RALGAPB: variants seen among roughly 807,000 people sequenced by gnomAD.
RALGAPB encodes the protein ral GTPase-activating protein subunit beta.
A neutral mutation model predicts 161.1 loss-of-function variants in RALGAPB; 25 were observed. The observed-to-expected ratio is 0.16, with a 90% CI of 0.11 to 0.22. The LOEUF (loss-of-function observed/expected upper bound fraction) is 0.22. Among genes scored for constraint, RALGAPB ranks in the 10% least tolerant of loss-of-function variants. The probability of loss-of-function intolerance (pLI) is 1.00; values close to 1 mark genes in which losing one functional copy is unlikely to be tolerated. For missense variants in RALGAPB, 1,391 were observed against 1,815.2 expected (o/e 0.77, Z 4.25); for synonymous variants, 629 against 626.1 (o/e 1.00, Z -0.07).
In RALGAPB at chr20:38,558,196, T is replaced by A. The variant is rs12106044; in HGVS notation, c.3373-99T>A. ...TTTATTCCTACCATTCTATATTTTT[T>A]AATTTTATTTTTATTAAACCATGAG... On this transcript the variant is annotated intron_variant, in intron 22 of 29. Coordinates refer to ENST00000262879, the MANE Select transcript of RALGAPB (RefSeq NM_020336.4). 4.4e-4 allele frequency: 466 copies of A among 1,065,714 alleles called. No homozygotes were observed. The African/African-American group carries it at 6.6e-3, about 15-fold the overall frequency. 66.0% of individuals were successfully genotyped at this position (1,065,714 alleles called of 1,614,324 possible).
chr20:38,559,469 T>C (rs2087711898), intron 23 of RALGAPB, among the ~76,000 whole-genome samples: 1 of 152,136 alleles, frequency 6.6e-6, no homozygotes, highest in Non-Finnish European at 1.5e-5. Context: ...CCGAGGCGGA[T>C]GGATCACCCA....
chr20:38,520,199 T>G (rs1400845677), intron 9 of RALGAPB: 3 of 649,044 alleles, frequency 4.6e-6, no homozygotes. Flanking sequence ...TAATTACTAC[T>G]GTCCTTTGAT....
chr20:38,508,184 A>G (rs959102833), intron 5 of RALGAPB, among the ~76,000 whole-genome samples: 5 of 151,854 alleles, frequency 3.3e-5, no homozygotes, highest in African/African-American at 1.2e-4. Flanking sequence ...GTATATGTCA[A>G]ACATATTACA....
chr20:38,574,111 A>G (rs760558372), intron 28 of RALGAPB, 39 bp from the exon 29 acceptor site: 15 of 1,571,118 alleles, frequency 9.5e-6, no homozygotes, highest in Middle Eastern at 1.7e-4. Flanking sequence ...GGGGACTTCA[A>G]CTCTTGGGTG....
chr20:38,498,390 G>A (rs1296331435), intron 4 of RALGAPB, among the ~76,000 whole-genome samples: 2 of 152,180 alleles, frequency 1.3e-5, no homozygotes, highest in Non-Finnish European at 2.9e-5. Context: ...TTATTCATTG[G>A]TGTACTCTGT....
At chr20:38,509,965 G>A (rs1175961104) in intron 6 of RALGAPB, among the ~76,000 whole-genome samples, 1 of 152,008 alleles carries the variant, frequency 6.6e-6, no homozygotes, top group Non-Finnish European at 1.5e-5. Context: ...AGCTGTCAGT[G>A]ATCTTAGTTT....
intron 24 of RALGAPB, among the ~76,000 whole-genome samples, chr20:38,564,567 T>C (rs1230764414): frequency 6.6e-6 from 1 of 152,224 alleles, no homozygotes; most frequent in Non-Finnish European, 1.5e-5. Context: ...TTGGTCCGAT[T>C]GTTGGTCTTT....
Position 38,576,794 on chromosome 20 carries a change from T to G in RALGAPB, c.*1827T>G, listed in dbSNP as rs1322577268. 2.0e-5 allele frequency: 3 copies of G among 152,630 alleles called. No individual in the cohort carries two copies. The highest frequency in any genetic ancestry group is 4.4e-5 in the Non-Finnish European group (3 of 68,038). 9.5% of individuals were successfully genotyped at this position (152,630 alleles called of 1,614,324 possible). ...GGGGAAAATGGGCTCTTGTTCTAGT[T>G]GAAGTGAGCAGAGAAGGCTATAAAT... On this transcript the variant is annotated 3_prime_UTR_variant, in exon 30 of 30. Coordinates refer to ENST00000262879, the MANE Select transcript of RALGAPB (RefSeq NM_020336.4).
chr20:38,533,242 G>GGAT (rs1268420870), intron 15 of RALGAPB, among the ~76,000 whole-genome samples: 1 of 152,092 alleles, frequency 6.6e-6, no homozygotes, highest in East Asian at 1.9e-4. Context: ...GGGTAATGGG[G>GGAT]GATGGATTAG....
chr20:38,491,638 G>T (rs146599720), intron 2 of RALGAPB, among the ~76,000 whole-genome samples: 320 of 152,312 alleles, frequency 2.1e-3, no homozygotes, highest in African/African-American at 7.4e-3. Flanking sequence ...CAAGTTTTCA[G>T]CTCCACCTTT....
At chr20:38,538,252 T>C (rs2086866733) in intron 16 of RALGAPB, 2 of 168,468 alleles carry the variant, frequency 1.2e-5, no homozygotes, top group South Asian at 1.7e-4. Context: ...AACTACTGCA[T>C]TGATACTGCC....
intron 23 of RALGAPB, among the ~76,000 whole-genome samples, chr20:38,560,769 A>T (rs1046080506): frequency 6.6e-6 from 1 of 152,146 alleles, no homozygotes; most frequent in East Asian, 1.9e-4. Flanking sequence ...ATTTCCTGAG[A>T]TCTCCTTTGG....
At chr20:38,545,128 G>A (rs2087120496) in intron 18 of RALGAPB, among the ~76,000 whole-genome samples, 1 of 152,068 alleles carries the variant, frequency 6.6e-6, no homozygotes. Context: ...AGCATATCCT[G>A]TGTGTTCTAA....
chr20:38,530,974 C>T (rs891081340), intron 13 of RALGAPB, among the ~76,000 whole-genome samples, 193 bp from the exon 14 acceptor site: 1 of 149,820 alleles, frequency 6.7e-6, no homozygotes, highest in African/African-American at 2.5e-5. Context: ...AACTTTCTAA[C>T]ATGTTTATTG....
At chr20:38,544,362 A>T (rs1282672491) in intron 18 of RALGAPB, among the ~76,000 whole-genome samples, 49 of 147,542 alleles carry the variant, frequency 3.3e-4, no homozygotes, top group Middle Eastern at 3.2e-3. Context: ...TTTTTTTTTT[A>T]AATATTACAA....
Position 38,499,364 on chromosome 20 carries a change from G to T in RALGAPB, c.554-83G>T. 5.0e-6 allele frequency: 6 copies of T among 1,203,516 alleles called. No individual in the cohort carries two copies. The South Asian group carries it at 5.3e-5, about 11-fold the overall frequency. The allele number at this position is 1,203,516 out of a possible 1,614,324, so 74.6% of individuals were successfully genotyped here. On this transcript the variant is annotated intron_variant, in intron 4 of 29. Transcript: ENST00000262879. ...AATATTGCACTTATTTTAATTTTTTGACCAGTTCTCCCAAATCAGTGTCTT... is the reference window on the plus strand; with the variant it reads ...AATATTGCACTTATTTTAATTTTTTTACCAGTTCTCCCAAATCAGTGTCTT...
chr20:38,516,497 G>A lies in RALGAPB; in HGVS notation c.1051+127G>A, dbSNP rs377430592. On this transcript the variant is annotated intron_variant, in intron 7 of 29. Transcript: ENST00000262879. ...ACAGATTTGATGACAAATAACAAGC[G>A]AGGAAAAATTATTTGCAACAAATAA... 1.5e-4 allele frequency: 141 copies of A among 948,418 alleles called. No homozygotes were observed. In the East Asian group the frequency reaches 1.6e-3, roughly 11 times the overall value. The allele number at this position is 948,418 out of a possible 1,614,324, so 58.8% of individuals were successfully genotyped here.
rs1370804594 is a variant in RALGAPB, at chr20:38,562,708, C to T, written c.3697+11C>T. On this transcript the variant is annotated intron_variant, in intron 24 of 29. Coordinates refer to ENST00000262879, the MANE Select transcript of RALGAPB (RefSeq NM_020336.4). Reference sequence around the variant, plus strand: ...AAGGATCTCAACAAGGTAAAACTCACAGTGTTTCAAATGTCAGTTGTTTCT... The same window carrying T: ...AAGGATCTCAACAAGGTAAAACTCATAGTGTTTCAAATGTCAGTTGTTTCT... The T allele has an allele frequency of 1.3e-6, 2 of 1,579,660 alleles. No individual in the cohort carries two copies. The highest frequency in any genetic ancestry group is 1.7e-6 in the Non-Finnish European group (2 of 1,166,540).
chr20:38,540,917 GAAATTACCAAGA>G (rs1186924978), intron 17 of RALGAPB, 112 bp from the exon 18 acceptor site: 1 of 999,824 alleles, frequency 1.0e-6, no homozygotes, highest in Non-Finnish European at 1.5e-6. Context: ...ATCCATTAAA[GAAATTACCAAGA>G]AACTGGAGCC....
Sources: gnomAD v4.1 joint callset for allele counts (sites outside exome capture counted in the v4.1 genomes callset) on GRCh38, gnomAD v4.1.1 for gene constraint, MANE v1.5 for transcripts, NCBI Gene and HGNC (gene_info 2026-07-23, HGNC 2026-07-21) for gene names.